Variants in NELL2 observed in about 807,000 individuals in gnomAD.
NELL2 encodes protein kinase C-binding protein NELL2.
A neutral mutation model predicts 109.6 loss-of-function variants in NELL2; 41 were observed. The ratio of observed to expected loss-of-function variants is 0.37; its 90% CI spans 0.29 to 0.49. The LOEUF is 0.49. NELL2 is among the 20% of genes least tolerant of loss of function. The pLI is 0.98. For synonymous variants in NELL2, 355 were observed against 344.7 expected (o/e 1.03, Z -0.33); for missense variants, 900 against 1,008.3 (o/e 0.89, Z 1.45).
chr12:44,658,877 C>CAAAAAAAAAAAAAAAAAAAAA (rs58696965), intron 13 of NELL2, among the ~76,000 whole-genome samples: 1 of 69,920 alleles, frequency 1.4e-5, no homozygotes, highest in Non-Finnish European at 2.9e-5. Context: ...ACTCTGTCTC[C>CAAAAAAAAAAAAAAAAAAAAA]AAAAAAAAAA....
At chr12:44,772,649 A>G (rs1349688844) in intron 9 of NELL2, among the ~76,000 whole-genome samples, 2 of 152,260 alleles carry the variant, frequency 1.3e-5, no homozygotes, top group Admixed American at 6.5e-5. Context: ...AATCTTTGAA[A>G]TAACAAGCAA....
At chr12:44,724,680 C>A (rs1173512159) in intron 9 of NELL2, among the ~76,000 whole-genome samples, 2 of 151,752 alleles carry the variant, frequency 1.3e-5, no homozygotes, top group Admixed American at 6.6e-5. Context: ...GCTACACAGC[C>A]CAAAGCAGTT....
At position 44,555,808 on chromosome 12, in the gene NELL2, G is replaced by A. The variant is rs1390831614; in HGVS notation, c.1664-23087C>T. Among the ~76,000 whole-genome samples, 5 of 152,136 alleles carry A rather than the reference G, an allele frequency of 3.3e-5. No individual in the cohort carries two copies. The South Asian group carries it at 8.3e-4, about 25-fold the overall frequency. ...ACAAATCTAGCAGCAAATCTGCCTG[G>A]GGATGGATAACATAATATTTATCTT... On this transcript the variant is annotated intron_variant, in intron 15 of 19. Coordinates refer to ENST00000429094, the MANE Select transcript of NELL2 (RefSeq NM_001145108.2).
intron 14 of NELL2, among the ~76,000 whole-genome samples, chr12:44,608,361 A>G (rs1436111996): frequency 1.3e-5 from 2 of 152,046 alleles, no homozygotes; most frequent in Admixed American, 6.6e-5. Context: ...TTTAAACCTC[A>G]TAAGTGATAA....
At chr12:44,876,513 C>G, upstream of NELL2, 1 of 1,400,210 alleles carries the variant, frequency 7.1e-7, no homozygotes, top group Non-Finnish European at 9.4e-7. Context: ...TCTTCTCCCT[C>G]CCTCTCTCGA....
intron 1 of NELL2, among the ~76,000 whole-genome samples, chr12:44,908,206 T>C (rs1163514137): frequency 1.3e-5 from 2 of 151,986 alleles, no homozygotes; most frequent in East Asian, 3.9e-4. Flanking sequence ...GTGAGACCCA[T>C]AAGCCTAGGA....
intron 13 of NELL2, among the ~76,000 whole-genome samples, chr12:44,617,587 G>A (rs1592214485): frequency 1.5e-5 from 2 of 131,052 alleles, no homozygotes; most frequent in East Asian, 4.1e-4. Flanking sequence ...AGCTACTTGG[G>A]AGGCTGAGGC....
At chr12:44,617,710 A>G (rs1166175432) in intron 13 of NELL2, among the ~76,000 whole-genome samples, 2 of 103,704 alleles carry the variant, frequency 1.9e-5, no homozygotes, top group Non-Finnish European at 3.7e-5. Flanking sequence ...AAAAAAAAAA[A>G]AAAGAAAAAG....
chr12:44,736,530 G>A (rs1178432017), intron 9 of NELL2, among the ~76,000 whole-genome samples: 1 of 151,484 alleles, frequency 6.6e-6, no homozygotes, highest in African/African-American at 2.4e-5. Context: ...AAAAAAGACA[G>A]AAGTCATGAG....
At chr12:44,602,305 T>A (rs973910993) in intron 15 of NELL2, among the ~76,000 whole-genome samples, 1 of 152,088 alleles carries the variant, frequency 6.6e-6, no homozygotes, top group African/African-American at 2.4e-5. Context: ...CATGAGTATG[T>A]GCCCACTCTG....
chr12:44,711,492 G>A, intron 10 of NELL2, 98 bp from the exon 11 acceptor site: 4 of 1,039,694 alleles, frequency 3.8e-6, no homozygotes, highest in African/African-American at 1.6e-5. Flanking sequence ...TTAAGATCAA[G>A]AAATTTTTGT....
At chr12:44,670,264 A>C (rs540560185) in intron 12 of NELL2, among the ~76,000 whole-genome samples, 1 of 152,302 alleles carries the variant, frequency 6.6e-6, no homozygotes, top group East Asian at 1.9e-4. Flanking sequence ...TCTGAAAGTG[A>C]AAGAAAGATA....
intron 13 of NELL2, among the ~76,000 whole-genome samples, chr12:44,649,072 C>T (rs1194814801): frequency 2.0e-5 from 3 of 151,968 alleles, no homozygotes; most frequent in Non-Finnish European, 2.9e-5. Context: ...GGCCACAATG[C>T]CATCTTACAT....
intron 13 of NELL2, among the ~76,000 whole-genome samples, chr12:44,639,107 A>C (rs929894737): frequency 2.0e-5 from 3 of 152,136 alleles, no homozygotes; most frequent in Non-Finnish European, 4.4e-5. Flanking sequence ...GTTGAGCAAA[A>C]TTTCAAATGC....
intron 2 of NELL2, among the ~76,000 whole-genome samples, chr12:44,865,748 G>A (rs1944977093): frequency 7.8e-6 from 1 of 128,266 alleles, no homozygotes; most frequent in Non-Finnish European, 1.7e-5. Flanking sequence ...CACCAGCATG[G>A]CACATGTATA....
intron 2 of NELL2, among the ~76,000 whole-genome samples, chr12:44,853,330 T>C (rs1190322446): frequency 3.3e-5 from 5 of 152,150 alleles, no homozygotes; most frequent in East Asian, 1.9e-4. Flanking sequence ...TTTAAGGAAA[T>C]TGGTAAAGTT....
intron 2 of NELL2, among the ~76,000 whole-genome samples, chr12:44,847,788 T>C (rs141324971): frequency 6.1e-4 from 92 of 151,816 alleles, no homozygotes; most frequent in African/African-American, 2.1e-3. Context: ...GTAGAGAACT[T>C]TGGGAGACTG....
chr12:44,662,439 C>T (rs188117773), intron 13 of NELL2, among the ~76,000 whole-genome samples: 1 of 152,200 alleles, frequency 6.6e-6, no homozygotes, highest in African/African-American at 2.4e-5. Context: ...TATTCCAGCC[C>T]CCTTTGCTTC....
At chr12:44,654,311 C>T (rs1466400588) in intron 13 of NELL2, among the ~76,000 whole-genome samples, 1 of 152,210 alleles carries the variant, frequency 6.6e-6, no homozygotes, top group African/African-American at 2.4e-5. Flanking sequence ...CTACACCATA[C>T]ATTTTTACTA....
Sources: gnomAD v4.1 joint callset for allele counts (sites outside exome capture counted in the v4.1 genomes callset) on GRCh38, gnomAD v4.1.1 for gene constraint, MANE v1.5 for transcripts, NCBI Gene and HGNC (gene_info 2026-07-23, HGNC 2026-07-21) for gene names.